TOGARAM2: variants seen among roughly 807,000 people sequenced by gnomAD.
TOGARAM2 encodes the protein TOG array regulator of axonemal microtubules protein 2.
TOGARAM2 carries 85 observed loss-of-function variants against 93.3 expected under a neutral mutation model. The ratio of observed to expected loss-of-function variants is 0.91; its 90% CI spans 0.76 to 1.09. TOGARAM2 has a LOEUF of 1.09. Ranked by LOEUF, TOGARAM2 falls within the 50% of genes least tolerant of loss-of-function variation. The pLI is 0.00. For missense variants in TOGARAM2, 1,277 were observed against 1,334.5 expected, an observed-to-expected ratio of 0.96 and a Z score of 0.67; for synonymous variants, 593 against 552.8, an observed-to-expected ratio of 1.07 and a Z score of -1.02.
chr2:29,006,376 ATGTG>A (rs958605519), intron 6 of TOGARAM2, among the ~76,000 whole-genome samples: 3 of 125,534 alleles, frequency 2.4e-5, no homozygotes, highest in Non-Finnish European at 3.3e-5. Flanking sequence ...GTGCATGTGT[ATGTG>A]TGTGAGTGCG....
intron 1 of TOGARAM2, among the ~76,000 whole-genome samples, chr2:28,986,091 C>T (rs1009703435): frequency 9.0e-5 from 12 of 133,524 alleles, no homozygotes; most frequent in East Asian, 2.0e-4. Context: ...CCAGCCTGGC[C>T]GACAGAGTGA....
At chr2:28,996,506 G>A (rs1419691880) in intron 2 of TOGARAM2, among the ~76,000 whole-genome samples, 1 of 151,978 alleles carries the variant, frequency 6.6e-6, no homozygotes, top group Non-Finnish European at 1.5e-5. Flanking sequence ...GTCTCTCTGT[G>A]CCTGGCTTAC....
chr2:29,036,060 G>T (rs1422203754), intron 17 of TOGARAM2, among the ~76,000 whole-genome samples: 1 of 152,078 alleles, frequency 6.6e-6, no homozygotes, highest in African/African-American at 2.4e-5. Flanking sequence ...GAACACTCAG[G>T]TGGGTGCCTG....
chr2:28,997,332 C>G (rs1318236459), intron 2 of TOGARAM2, among the ~76,000 whole-genome samples: 1 of 152,232 alleles, frequency 6.6e-6, no homozygotes, highest in Non-Finnish European at 1.5e-5. Context: ...CTGAACTTCC[C>G]CTCCTCTTTC....
intron 14 of TOGARAM2, among the ~76,000 whole-genome samples, chr2:29,029,767 A>G (rs1040400011): frequency 6.6e-6 from 1 of 151,322 alleles, no homozygotes; most frequent in African/African-American, 2.4e-5. Context: ...AAAAAAAAAA[A>G]GAATGACATA....
intron 19 of TOGARAM2, chr2:29,045,782 G>T: frequency 3.4e-6 from 1 of 290,100 alleles, no homozygotes; most frequent in Admixed American, 5.1e-5. Flanking sequence ...TAGGGATGCA[G>T]AACTGGTATC....
At chr2:29,002,836 A>C (rs1673388658) in intron 5 of TOGARAM2, 89 bp downstream of exon 5, 1 of 1,247,262 alleles carries the variant, frequency 8.0e-7, no homozygotes, top group Admixed American at 2.0e-5. Flanking sequence ...CCAACCCCTG[A>C]CTCCATGCCC....
At position 29,022,760 on chromosome 2, in the gene TOGARAM2, C is replaced by T. The variant is rs567087034; in HGVS notation, c.1512-326C>T. Among the ~76,000 whole-genome samples, 149 of 152,366 alleles carry T rather than the reference C, an allele frequency of 9.8e-4. 1 individual carries two copies. In the Middle Eastern group the frequency reaches 0.014, roughly 14 times the overall value. ...ATTTGTGAGAAGCCCTCCCTGCCTT[C>T]AGTCCTCCCTGTTCAAGTGCCTTTT... is the stretch of plus-strand genomic sequence containing the variant. On this transcript the variant is annotated intron_variant, in intron 11 of 19. Coordinates refer to ENST00000379558, the MANE Select transcript of TOGARAM2 (RefSeq NM_199280.4).
At chr2:28,975,798 A>G (rs928513502) in intron 1 of TOGARAM2, among the ~76,000 whole-genome samples, 8 of 151,812 alleles carry the variant, frequency 5.3e-5, no homozygotes, top group African/African-American at 1.9e-4. Flanking sequence ...TCTAGGTGGG[A>G]TTGGATGTTC....
intron 2 of TOGARAM2, among the ~76,000 whole-genome samples, chr2:28,996,537 C>T (rs1255771046): frequency 1.3e-5 from 2 of 152,014 alleles, no homozygotes; most frequent in African/African-American, 4.8e-5. Flanking sequence ...ATAATGACTG[C>T]CAGGCTGGGA....
chr2:29,032,709 CTA>C, intron 14 of TOGARAM2: 3 of 479,162 alleles, frequency 6.3e-6, no homozygotes, highest in Non-Finnish European at 1.1e-5. Context: ...AGAAAAAAGA[CTA>C]TAGGAAAATA....
intron 1 of TOGARAM2, among the ~76,000 whole-genome samples, chr2:28,984,188 G>GC (rs1672360682): frequency 6.6e-6 from 1 of 151,882 alleles, no homozygotes; most frequent in Non-Finnish European, 1.5e-5. Context: ...CTGGTTCTTG[G>GC]CCCAACTCAC....
At chr2:29,023,302 T>C (rs1397492766) in intron 12 of TOGARAM2, 111 bp downstream of exon 12, 1 of 877,060 alleles carries the variant, frequency 1.1e-6, no homozygotes, top group African/African-American at 1.7e-5. Flanking sequence ...GGATCCCTGC[T>C]TATTTCTCAG....
chr2:29,029,754 T>TA (rs764355917), intron 14 of TOGARAM2, among the ~76,000 whole-genome samples: 58 of 127,086 alleles, frequency 4.6e-4, no homozygotes, highest in East Asian at 2.6e-3. Context: ...AGGCTCTGTC[T>TA]AAAAAAAAAA....
intron 5 of TOGARAM2, among the ~76,000 whole-genome samples, chr2:29,003,123 A>G (rs1673404661): frequency 6.6e-6 from 1 of 152,062 alleles, no homozygotes; most frequent in South Asian, 2.1e-4. Flanking sequence ...TAGGACTCAG[A>G]TTTGGGCCTT....
chr2:28,975,757 G>A (rs989562597), intron 1 of TOGARAM2, among the ~76,000 whole-genome samples: 8 of 151,728 alleles, frequency 5.3e-5, no homozygotes, highest in African/African-American at 1.7e-4. Context: ...TTTTTGCAGG[G>A]CATTTATCCT....
chr2:29,027,306 G>T (rs1333749277), intron 14 of TOGARAM2, among the ~76,000 whole-genome samples: 1 of 151,986 alleles, frequency 6.6e-6, no homozygotes, highest in Non-Finnish European at 1.5e-5. Context: ...AGAACATTCA[G>T]GCCTTTTTTT....
At chr2:29,041,317 C>T (rs1377358425) in intron 18 of TOGARAM2, among the ~76,000 whole-genome samples, 1 of 152,116 alleles carries the variant, frequency 6.6e-6, no homozygotes, top group Non-Finnish European at 1.5e-5. Context: ...AGCCATTGCG[C>T]CCGGCCTTGA....
chr2:29,006,148 TGC>T (rs1663796418), intron 6 of TOGARAM2, among the ~76,000 whole-genome samples: 1 of 145,704 alleles, frequency 6.9e-6, no homozygotes, highest in South Asian at 2.2e-4. Flanking sequence ...AGCATGCATG[TGC>T]GTAAGTACAT....
Sources: gnomAD v4.1 joint callset for allele counts (sites outside exome capture counted in the v4.1 genomes callset) on GRCh38, gnomAD v4.1.1 for gene constraint, MANE v1.5 for transcripts, NCBI Gene and HGNC (gene_info 2026-07-23, HGNC 2026-07-21) for gene names.